Variants in STAU1 observed in about 807,000 individuals in gnomAD.
STAU1 encodes the protein double-stranded RNA-binding protein Staufen homolog 1.
Under a neutral mutation model 62.9 loss-of-function variants are expected in STAU1, and 13 were observed. The ratio of observed to expected loss-of-function variants is 0.21; its 90% CI spans 0.13 to 0.33. The LOEUF (loss-of-function observed/expected upper bound fraction) is 0.33, where lower values mean the gene tolerates loss of function less well. Ranked by LOEUF, STAU1 falls within the 10% of genes least tolerant of loss-of-function variation. The probability of loss-of-function intolerance (pLI) is 1.00; values close to 1 mark genes in which losing one functional copy is unlikely to be tolerated. For synonymous variants in STAU1, 269 were observed against 265.1 expected (o/e 1.01, Z -0.14); for missense variants, 571 against 712.1 (o/e 0.80, Z 2.25).
chr20:49,155,215 T>C (rs900831507), intron 3 of STAU1, among the ~76,000 whole-genome samples: 1 of 152,224 alleles, frequency 6.6e-6, no homozygotes, highest in East Asian at 1.9e-4. Flanking sequence ...GGCAACCCAA[T>C]TCTCTTCACA....
At chr20:49,197,706 A>T in the STAU1 span, among the ~76,000 whole-genome samples, 3 of 150,810 alleles carry the variant, frequency 2.0e-5, no homozygotes, top group Non-Finnish European at 4.4e-5. Context: ...TGGGCCTACG[A>T]TTTTCATTTT....
At chr20:49,193,973 G>GA in the STAU1 span, among the ~76,000 whole-genome samples, 99 of 147,932 alleles carry the variant, frequency 6.7e-4, no homozygotes, top group African/African-American at 2.3e-3. Flanking sequence ...TCAGAAAAAA[G>GA]AAAAAAAAAA....
At chr20:49,191,129 G>A (rs1468759298), upstream of STAU1, among the ~76,000 whole-genome samples, 1 of 151,890 alleles carries the variant, frequency 6.6e-6, no homozygotes, top group African/African-American at 2.4e-5. Context: ...CCGGGCTCAA[G>A]CAATTCTCCT....
At chr20:49,151,451 T>G in intron 5 of STAU1, 131 bp downstream of exon 5, 1 of 931,484 alleles carries the variant, frequency 1.1e-6, no homozygotes, top group South Asian at 2.5e-5. Context: ...GCATAAAATC[T>G]TGGAGGCATT....
At chr20:49,189,111 G>A (rs959403720), upstream of STAU1, among the ~76,000 whole-genome samples, 4 of 149,950 alleles carry the variant, frequency 2.7e-5, no homozygotes, top group East Asian at 8.0e-4. Flanking sequence ...GCTGAGGCAG[G>A]AGAATCGCTT....
intron 6 of STAU1, among the ~76,000 whole-genome samples, chr20:49,129,631 T>A (rs2092709252): frequency 1.1e-5 from 1 of 91,088 alleles, no homozygotes; most frequent in Non-Finnish European, 2.0e-5. Context: ...GTTTGGCAAC[T>A]TTTTTTTTTT....
In STAU1 at chr20:49,151,751, G is replaced by T. The variant is rs768130964; in HGVS notation, c.345-4C>A. On this transcript the variant is annotated splice_polypyrimidine_tract_variant and splice_region_variant and intron_variant, in intron 4 of 13. Coordinates refer to ENST00000371856, the MANE Select transcript of STAU1 (RefSeq NM_017453.4). ...AACTGGAAATGGGTAAAAGTACCTA[G>T]AAATAAAAGGAGGTTAGGCAAATTA... 1.2e-6 allele frequency: 2 copies of T among 1,604,866 alleles called. No individual in the cohort carries two copies. Among genetic ancestry groups the T allele is most frequent in the East Asian group, 2.2e-5 (1 of 44,484 alleles).
At chr20:49,167,417 T>C (rs1165827284) in intron 2 of STAU1, among the ~76,000 whole-genome samples, 3 of 152,202 alleles carry the variant, frequency 2.0e-5, no homozygotes, top group African/African-American at 7.2e-5. Context: ...TTAAGCTACT[T>C]GAGGAGTCCT....
At chr20:49,149,290 A>ACC (rs1555851176) in intron 5 of STAU1, among the ~76,000 whole-genome samples, 26 of 147,446 alleles carry the variant, frequency 1.8e-4, no homozygotes, top group African/African-American at 5.3e-4. Flanking sequence ...ACACACACAC[A>ACC]CCAGCAAGAA....
At position 49,127,522 on chromosome 20, in the gene STAU1, A is replaced by G. The variant is rs187243411; in HGVS notation, c.610-2935T>C. Among the ~76,000 whole-genome samples the G allele has an allele frequency of 4.2e-3, 640 of 152,102 alleles. 6 individuals carry two copies. Among genetic ancestry groups the G allele is most frequent in the African/African-American group, 0.014 (600 of 41,504 alleles). On this transcript the variant is annotated intron_variant, in intron 6 of 13. Coordinates refer to ENST00000371856, the MANE Select transcript of STAU1 (RefSeq NM_017453.4). Reference sequence around the variant, plus strand: ...GGAGTTTGAGACCAGCTTGGCCAACAGGGTGAAACCCTGTCTCTACTAAAA... The same window carrying G: ...GGAGTTTGAGACCAGCTTGGCCAACGGGGTGAAACCCTGTCTCTACTAAAA...
chr20:49,119,277 CA>C lies in STAU1; in HGVS notation c.1113+704del, dbSNP rs565044034. Among the ~76,000 whole-genome samples the C allele has an allele frequency of 9.2e-5, 14 of 152,272 alleles. No individual in the cohort carries two copies. The East Asian group carries it at 2.7e-3, about 29-fold the overall frequency. On this transcript the variant is annotated intron_variant, in intron 9 of 13. Transcript: ENST00000371856. ...ACAGCTCACTGCAGCCTTGACCTTCCAAGGCTCAATCCTCCCATCTCAGCCT... is the reference window on the plus strand; with the variant it reads ...ACAGCTCACTGCAGCCTTGACCTTCCAGGCTCAATCCTCCCATCTCAGCCT...
chr20:49,193,285 G>A (rs368696006), upstream of STAU1, among the ~76,000 whole-genome samples: 2 of 152,148 alleles, frequency 1.3e-5, no homozygotes, highest in African/African-American at 2.4e-5. Flanking sequence ...GCTGAGGCAC[G>A]AGAATCGCTT....
At chr20:49,125,346 T>C (rs950260647) in intron 6 of STAU1, among the ~76,000 whole-genome samples, 8 of 148,926 alleles carry the variant, frequency 5.4e-5, no homozygotes, top group African/African-American at 2.0e-4. Context: ...CTGGCCAACA[T>C]GGTGAAACCC....
chr20:49,141,879 G>T (rs561069464), intron 5 of STAU1, among the ~76,000 whole-genome samples: 1 of 152,014 alleles, frequency 6.6e-6, no homozygotes. Context: ...ATATAATTTG[G>T]TGTTTTTGAA....
chr20:49,133,411 T>TC (rs1465570369), intron 6 of STAU1, among the ~76,000 whole-genome samples: 1 of 151,934 alleles, frequency 6.6e-6, no homozygotes, highest in Admixed American at 6.6e-5. Flanking sequence ...TTGGTACCCC[T>TC]CCCCCACAAC....
At chr20:49,199,798 T>A in the STAU1 span, among the ~76,000 whole-genome samples, 1 of 152,130 alleles carries the variant, frequency 6.6e-6, no homozygotes, top group Non-Finnish European at 1.5e-5. Flanking sequence ...GGTCTTGAAC[T>A]CCAGACCTCA....
chr20:49,137,388 G>A (rs778295876), intron 5 of STAU1, among the ~76,000 whole-genome samples: 8 of 152,120 alleles, frequency 5.3e-5, no homozygotes, highest in Non-Finnish European at 1.2e-4. Context: ...TTACTTCTGC[G>A]TGCTGATAAC....
chr20:49,184,491 G>C (rs2093763986), intron 1 of STAU1, among the ~76,000 whole-genome samples: 1 of 152,056 alleles, frequency 6.6e-6, no homozygotes, highest in Non-Finnish European at 1.5e-5. Flanking sequence ...AGTACCCAGA[G>C]AAAACCCATG....
intron 3 of STAU1, among the ~76,000 whole-genome samples, chr20:49,155,475 C>T (rs578222569): frequency 3.5e-4 from 53 of 152,154 alleles, no homozygotes; most frequent in South Asian, 8.3e-4. Flanking sequence ...AGTGTCAGTG[C>T]ACAATATTTA....
Sources: gnomAD v4.1 joint callset for allele counts (sites outside exome capture counted in the v4.1 genomes callset) on GRCh38, gnomAD v4.1.1 for gene constraint, MANE v1.5 for transcripts, NCBI Gene and HGNC (gene_info 2026-07-23, HGNC 2026-07-21) for gene names.